PPP1R9A: variants seen among roughly 807,000 people sequenced by gnomAD.
The protein encoded by PPP1R9A is protein phosphatase 1 regulatory subunit 9A.
In PPP1R9A, 59 loss-of-function variants were observed where a neutral mutation model predicts 141.9. That is an observed-to-expected ratio of 0.42 (90% CI 0.34 to 0.52). The LOEUF is 0.52. Among genes scored for constraint, PPP1R9A ranks in the 20% least tolerant of loss-of-function variants. PPP1R9A has a pLI of 0.10. For synonymous variants in PPP1R9A, 500 were observed against 569.7 expected, an observed-to-expected ratio of 0.88 and a Z score of 1.74; for missense variants, 1,444 against 1,611.9, an observed-to-expected ratio of 0.90 and a Z score of 1.78.
At chr7:95,096,245 T>G (rs953418960) in intron 2 of PPP1R9A, among the ~76,000 whole-genome samples, 1 of 152,136 alleles carries the variant, frequency 6.6e-6, no homozygotes, top group African/African-American at 2.4e-5. Flanking sequence ...AGGAAGGGCT[T>G]TTGTTGCTGT....
chr7:95,217,860 TTTTA>T (rs146991463), intron 7 of PPP1R9A, among the ~76,000 whole-genome samples: 57,714 of 151,618 alleles, frequency 0.38, 11,593 homozygotes, highest in South Asian at 0.49. Context: ...TTCTTCTCTC[TTTTA>T]TTTGTTATTA....
chr7:95,007,649 T>C (rs1212770630), intron 2 of PPP1R9A, among the ~76,000 whole-genome samples: 2 of 152,228 alleles, frequency 1.3e-5, no homozygotes, highest in African/African-American at 4.8e-5. Context: ...TCAACAAATA[T>C]GTAAAAACCT....
intron 2 of PPP1R9A, among the ~76,000 whole-genome samples, chr7:95,007,820 C>T (rs1332128936): frequency 1.3e-5 from 2 of 152,110 alleles, no homozygotes; most frequent in African/African-American, 2.4e-5. Context: ...GCCTGTAATA[C>T]CAGCACTTTG....
rs966404439 is a variant in PPP1R9A at position 95,295,137 on chromosome 7, C to G, written c.*4834C>G. The G allele has an allele frequency of 1.0e-4, 16 of 152,594 alleles. No homozygotes were observed. Among genetic ancestry groups the G allele is most frequent in the Admixed American group, 1.0e-3 (16 of 15,282 alleles). The allele number at this position is 152,594 out of a possible 1,614,324, so 9.5% of individuals were successfully genotyped here. The stretch of plus-strand genomic sequence containing the variant: ...CTTACACACGCACACACACTGCAAT[C>G]ACATGGCATTAAAAAATATATTGTG... On this transcript the variant is annotated 3_prime_UTR_variant, in exon 20 of 20. Coordinates refer to ENST00000433360, the MANE Select transcript of PPP1R9A (RefSeq NM_001166160.2).
chr7:94,957,365 T>C (rs10278074), intron 2 of PPP1R9A, among the ~76,000 whole-genome samples: 92,045 of 151,866 alleles, frequency 0.61, 28,764 homozygotes, highest in East Asian at 1. Flanking sequence ...GTTAAGATTA[T>C]TGACAACATT....
intron 2 of PPP1R9A, among the ~76,000 whole-genome samples, chr7:95,090,505 A>C (rs1817201947): frequency 6.6e-6 from 1 of 151,914 alleles, no homozygotes. Flanking sequence ...AATCCAGAAA[A>C]CTATAAAGAA....
intron 2 of PPP1R9A, among the ~76,000 whole-genome samples, chr7:95,019,815 C>T (rs1805643455): frequency 8.0e-6 from 1 of 125,570 alleles, no homozygotes; most frequent in Non-Finnish European, 1.9e-5. Context: ...AAGCATTAAA[C>T]ATCCCCCCTC....
At chr7:94,986,838 A>G (rs763443714) in intron 2 of PPP1R9A, among the ~76,000 whole-genome samples, 26 of 152,238 alleles carry the variant, frequency 1.7e-4, no homozygotes, top group Non-Finnish European at 3.4e-4. Flanking sequence ...TGCTGCTTCT[A>G]GTTTTAGGTA....
At chr7:95,227,677 C>T (rs1795335333) in intron 8 of PPP1R9A, among the ~76,000 whole-genome samples, 1 of 152,080 alleles carries the variant, frequency 6.6e-6, no homozygotes, top group African/African-American at 2.4e-5. Context: ...TGCTTTCTGG[C>T]CCTTTACTGA....
chr7:95,146,805 G>T (rs1827707456), intron 4 of PPP1R9A, among the ~76,000 whole-genome samples: 1 of 152,176 alleles, frequency 6.6e-6, no homozygotes, highest in South Asian at 2.1e-4. Context: ...TCAGATGGTT[G>T]TAGATGTGTG....
chr7:95,263,428 CTGT>C (rs796429608), intron 12 of PPP1R9A, among the ~76,000 whole-genome samples: 2,418 of 43,816 alleles, frequency 0.055, 74 homozygotes, highest in African/African-American at 0.13. Context: ...GTTGTTGTTG[CTGT>C]TGTTGTTGTT....
chr7:95,236,074 A>G (rs1796637863), intron 8 of PPP1R9A, among the ~76,000 whole-genome samples: 1 of 152,180 alleles, frequency 6.6e-6, no homozygotes, highest in Non-Finnish European at 1.5e-5. Context: ...CCAAAACCTC[A>G]GAAATCACCA....
chr7:95,200,896 A>G (rs1339167264), intron 6 of PPP1R9A, among the ~76,000 whole-genome samples: 2 of 152,184 alleles, frequency 1.3e-5, no homozygotes, highest in African/African-American at 4.8e-5. Flanking sequence ...CTAGTGGTAC[A>G]TCCAGTAGCT....
At chr7:95,124,195 TTAC>T (rs1478563297) in intron 4 of PPP1R9A, among the ~76,000 whole-genome samples, 1 of 152,146 alleles carries the variant, frequency 6.6e-6, no homozygotes, top group Admixed American at 6.5e-5. Flanking sequence ...TTACTGATGT[TTAC>T]TATTTAAAAG....
chr7:95,093,179 A>G (rs576382524), intron 2 of PPP1R9A, among the ~76,000 whole-genome samples: 1 of 152,234 alleles, frequency 6.6e-6, no homozygotes, highest in African/African-American at 2.4e-5. Context: ...CTTTCTCAGG[A>G]TAGACCACCA....
intron 4 of PPP1R9A, among the ~76,000 whole-genome samples, chr7:95,131,170 C>T (rs1367092946): frequency 6.6e-6 from 1 of 151,990 alleles, no homozygotes; most frequent in Non-Finnish European, 1.5e-5. Context: ...GAGGAACCTG[C>T]TAGGAAGTGA....
chr7:94,921,053 C>A (rs1463655976), intron 2 of PPP1R9A, among the ~76,000 whole-genome samples: 1 of 152,162 alleles, frequency 6.6e-6, no homozygotes, highest in African/African-American at 2.4e-5. Flanking sequence ...AAATAGTACT[C>A]ACAGTCAGAG....
chr7:94,930,155 G>A (rs1793976165), intron 2 of PPP1R9A, among the ~76,000 whole-genome samples: 1 of 152,134 alleles, frequency 6.6e-6, no homozygotes, highest in African/African-American at 2.4e-5. Context: ...AGGTATATAT[G>A]TCATTGGGAT....
At chr7:95,003,059 A>G (rs1803156582) in intron 2 of PPP1R9A, among the ~76,000 whole-genome samples, 1 of 152,186 alleles carries the variant, frequency 6.6e-6, no homozygotes, top group East Asian at 1.9e-4. Context: ...GTCTTAAAGT[A>G]TGTAAGAATA....
Sources: allele counts gnomAD v4.1 joint callset (sites outside exome capture counted in the v4.1 genomes callset), GRCh38; gene constraint gnomAD v4.1.1; transcripts MANE v1.5; gene names NCBI Gene and HGNC (gene_info 2026-07-23, HGNC 2026-07-21).